XKR4: variants seen among roughly 807,000 people sequenced by gnomAD.
The protein encoded by XKR4 is XK related 4.
Under a neutral mutation model 53.9 loss-of-function variants are expected in XKR4, and 12 were observed. The observed-to-expected ratio is 0.22, with a 90% CI of 0.14 to 0.36. XKR4 has a LOEUF of 0.36. Ranked by LOEUF, XKR4 falls within the 10% of genes least tolerant of loss-of-function variation. The probability of loss-of-function intolerance (pLI) is 1.00; values close to 1 mark genes in which losing one functional copy is unlikely to be tolerated. For missense variants in XKR4, 799 were observed against 859.5 expected, an observed-to-expected ratio of 0.93 and a Z score of 0.88; for synonymous variants, 354 against 362.4, an observed-to-expected ratio of 0.98 and a Z score of 0.26.
At chr8:55,285,689 T>C (rs543239128) in intron 1 of XKR4, among the ~76,000 whole-genome samples, 1 of 152,326 alleles carries the variant, frequency 6.6e-6, no homozygotes, top group South Asian at 2.1e-4. Context: ...TCCACCTCTC[T>C]GTTAGGGGTG....
At position 55,376,483 on chromosome 8, in the gene XKR4, T is replaced by G. The variant is rs1191911932; in HGVS notation, c.1006+18606T>G. ...TTTGCCTTTCTCTAATGATCAGTGA[T>G]GTTGAGCTTTTTTTAAGTTTATTGG... On this transcript the variant is annotated intron_variant, in intron 2 of 2. Coordinates refer to ENST00000327381, the MANE Select transcript of XKR4 (RefSeq NM_052898.2). 2.0e-5 allele frequency among the ~76,000 whole-genome samples: 3 copies of G among 152,334 alleles called. No individual in the cohort carries two copies. The East Asian group carries it at 5.8e-4, about 29-fold the overall frequency.
intron 2 of XKR4, among the ~76,000 whole-genome samples, chr8:55,394,899 C>G (rs1804492773): frequency 6.6e-6 from 1 of 152,158 alleles, no homozygotes; most frequent in South Asian, 2.1e-4. Flanking sequence ...ATTTTGTAAT[C>G]ACTTTGCATT....
chr8:55,272,736 C>A (rs1818709431), intron 1 of XKR4, among the ~76,000 whole-genome samples: 1 of 152,162 alleles, frequency 6.6e-6, no homozygotes, highest in Non-Finnish European at 1.5e-5. Context: ...CATTCTCAGA[C>A]CCTTAAAACT....
At position 55,533,372 on chromosome 8, in the gene XKR4, A is replaced by T. The variant is rs1415429836; in HGVS notation, c.*9145A>T. On this transcript the variant is annotated 3_prime_UTR_variant, in exon 3 of 3. Coordinates refer to ENST00000327381, the MANE Select transcript of XKR4 (RefSeq NM_052898.2). ...CAGCTAGTGAAAGAATTGTCATTTT[A>T]TATCATTCTTTCAAAAAATTAAAAT... 1 of 152,238 alleles carries T rather than the reference A, an allele frequency of 6.6e-6. No homozygotes were observed. The highest frequency in any genetic ancestry group is 1.5e-5 in the Non-Finnish European group (1 of 68,034). The allele number at this position is 152,238 out of a possible 1,614,324, so 9.4% of individuals were successfully genotyped here.
In XKR4 at chr8:55,155,553, G is replaced by GA. The variant is rs547963847; in HGVS notation, c.806+52272dup. 7.5e-3 allele frequency among the ~76,000 whole-genome samples: 964 copies of GA among 129,296 alleles called. 7 individuals are homozygous for GA. Among genetic ancestry groups the GA allele is most frequent in the Middle Eastern group, 0.046 (11 of 238 alleles). The allele number at this position is 129,296 out of a possible 152,430, so 84.8% of individuals were successfully genotyped here. ...GGAATTTAAGATAAGGTAGAAGTGTGAAAAAAAAAAAAAGAAGTCGAGGAT... is the reference window on the plus strand; with the variant it reads ...GGAATTTAAGATAAGGTAGAAGTGTGAAAAAAAAAAAAAAGAAGTCGAGGAT... On this transcript the variant is annotated intron_variant, in intron 1 of 2. Coordinates refer to ENST00000327381, the MANE Select transcript of XKR4 (RefSeq NM_052898.2).
intron 1 of XKR4, among the ~76,000 whole-genome samples, chr8:55,276,252 A>G (rs1818762652): frequency 6.6e-6 from 1 of 152,326 alleles, no homozygotes; most frequent in Non-Finnish European, 1.5e-5. Flanking sequence ...TGGTTTGGGG[A>G]TGAACAGTAG....
intron 1 of XKR4, among the ~76,000 whole-genome samples, chr8:55,190,288 G>A (rs1001852776): frequency 1.3e-5 from 2 of 152,172 alleles, no homozygotes. Context: ...ACGATACAGG[G>A]CAAACAATTA....
chr8:55,377,778 G>A lies in XKR4; in HGVS notation c.1006+19901G>A, dbSNP rs960002453. Among the ~76,000 whole-genome samples the A allele has an allele frequency of 5.3e-5, 8 of 152,292 alleles. 1 individual carries two copies. In the South Asian group the frequency reaches 1.5e-3, roughly 28 times the overall value. On this transcript the variant is annotated intron_variant, in intron 2 of 2. Transcript: ENST00000327381. ...GTAAGGACATCTATAGGCTGTGCCT[G>A]CGCCTTGTGAATACAGGAGAAAATA...
chr8:55,406,102 A>C (rs143303949), intron 2 of XKR4, among the ~76,000 whole-genome samples: 153 of 152,346 alleles, frequency 1.0e-3, no homozygotes, highest in African/African-American at 3.6e-3. Flanking sequence ...ATGAAATCTG[A>C]TCTGAGACAT....
chr8:55,279,377 G>A lies in XKR4; in HGVS notation c.807-78301G>A, dbSNP rs553064916. Among the ~76,000 whole-genome samples, 3 of 152,274 alleles carry A rather than the reference G, an allele frequency of 2.0e-5. No individual in the cohort carries two copies. In the South Asian group the frequency reaches 6.2e-4, roughly 32 times the overall value. On this transcript the variant is annotated intron_variant, in intron 1 of 2. Coordinates refer to ENST00000327381, the MANE Select transcript of XKR4 (RefSeq NM_052898.2). ...GTGTATCTGTAAATTCCCAAATGAT[G>A]CTGAGGTGGGAGCACTTTCAGTGGC...
intron 1 of XKR4, among the ~76,000 whole-genome samples, chr8:55,284,686 C>G (rs769947142): frequency 1.3e-5 from 2 of 152,120 alleles, no homozygotes; most frequent in East Asian, 3.9e-4. Flanking sequence ...AGTGATGTGT[C>G]CTATGATGTG....
intron 1 of XKR4, among the ~76,000 whole-genome samples, chr8:55,302,583 G>A (rs1188557250): frequency 6.6e-6 from 1 of 151,200 alleles, no homozygotes; most frequent in Admixed American, 6.6e-5. Flanking sequence ...AAATTACCTT[G>A]GGCAGTATGG....
chr8:55,518,273 A>C (rs1389539215), intron 2 of XKR4, among the ~76,000 whole-genome samples: 2 of 152,244 alleles, frequency 1.3e-5, no homozygotes, highest in Non-Finnish European at 2.9e-5. Flanking sequence ...GAAATTGCAA[A>C]GAAGCAGAAG....
intron 1 of XKR4, among the ~76,000 whole-genome samples, chr8:55,344,666 T>C (rs1803608602): frequency 6.6e-6 from 1 of 152,212 alleles, no homozygotes; most frequent in African/African-American, 2.4e-5. Flanking sequence ...ATGCTGCTTT[T>C]GTTAGGTACA....
intron 2 of XKR4, among the ~76,000 whole-genome samples, chr8:55,487,798 T>C (rs988866705): frequency 1.3e-5 from 2 of 152,186 alleles, no homozygotes; most frequent in Non-Finnish European, 2.9e-5. Context: ...AAATGACACC[T>C]AAAATTAAAT....
intron 2 of XKR4, among the ~76,000 whole-genome samples, chr8:55,482,681 G>C (rs561426804): frequency 6.6e-5 from 10 of 152,138 alleles, no homozygotes; most frequent in African/African-American, 2.2e-4. Context: ...AAAAATAATT[G>C]AACTAAACTC....
chr8:55,442,509 A>G (rs1372489866), intron 2 of XKR4, among the ~76,000 whole-genome samples: 1 of 152,250 alleles, frequency 6.6e-6, no homozygotes, highest in Non-Finnish European at 1.5e-5. Context: ...ATTTGAACAC[A>G]TACGTTTCAG....
intron 2 of XKR4, among the ~76,000 whole-genome samples, chr8:55,500,221 A>G (rs2129403369): frequency 6.6e-6 from 1 of 150,854 alleles, no homozygotes; most frequent in Admixed American, 6.6e-5. Flanking sequence ...TAACAAGAAC[A>G]TTGCAGCAAC....
At chr8:55,312,490 G>A (rs1215024734) in intron 1 of XKR4, among the ~76,000 whole-genome samples, 6 of 152,118 alleles carry the variant, frequency 3.9e-5, no homozygotes, top group African/African-American at 7.2e-5. Flanking sequence ...TTGCCACCTC[G>A]GAGATTCTTA....
Sources: allele counts gnomAD v4.1 joint callset (sites outside exome capture counted in the v4.1 genomes callset), GRCh38; gene constraint gnomAD v4.1.1; transcripts MANE v1.5; gene names NCBI Gene and HGNC (gene_info 2026-07-23, HGNC 2026-07-21).